Variants in CNTNAP2 observed in about 807,000 individuals in gnomAD.
CNTNAP2 encodes contactin-associated protein-like 2.
CNTNAP2 carries 98 observed loss-of-function variants against 155.2 expected under a neutral mutation model. The ratio of observed to expected loss-of-function variants is 0.63; its 90% confidence interval spans 0.54 to 0.75. The LOEUF is 0.75. CNTNAP2 is among the 30% of genes least tolerant of loss of function. The probability of loss-of-function intolerance (pLI) is 0.00; values close to 1 mark genes in which losing one functional copy is unlikely to be tolerated. For missense variants in CNTNAP2, 1,727 were observed against 1,688.1 expected (o/e 1.02, Z -0.40); for synonymous variants, 651 against 631.2 (o/e 1.03, Z -0.47).
intron 3 of CNTNAP2, among the ~76,000 whole-genome samples, chr7:147,030,570 T>C (rs942629889): frequency 6.6e-6 from 1 of 152,228 alleles, no homozygotes; most frequent in African/African-American, 2.4e-5. Context: ...AAGTTCTTTT[T>C]CCCCAATATC....
chr7:146,822,344 A>G (rs891205694), intron 2 of CNTNAP2, among the ~76,000 whole-genome samples: 1 of 152,080 alleles, frequency 6.6e-6, no homozygotes, highest in African/African-American at 2.4e-5. Context: ...GGGGGGAGTG[A>G]TAGCATTAGG....
chr7:146,776,540 G>A (rs1399639023), intron 2 of CNTNAP2, among the ~76,000 whole-genome samples: 1 of 152,154 alleles, frequency 6.6e-6, no homozygotes, highest in African/African-American at 2.4e-5. Context: ...TTGTAGGAGA[G>A]AGTATAAATG....
chr7:146,911,622 C>T (rs191378169), intron 3 of CNTNAP2, among the ~76,000 whole-genome samples: 1 of 128,476 alleles, frequency 7.8e-6, no homozygotes, highest in East Asian at 2.3e-4. Flanking sequence ...CACATGGACA[C>T]ATGAAGGGGA....
rs564111859 is a variant in CNTNAP2, at chr7:148,249,409, G to C, written c.3382-17624G>C. Among the ~76,000 whole-genome samples, 250 of 152,182 alleles carry C rather than the reference G, an allele frequency of 1.6e-3. 1 individual carries two copies. The highest frequency in any genetic ancestry group is 3.4e-3 in the Middle Eastern group (1 of 294). ...TTTCTCTCCTTCCTGACCTCCTTCA[G>C]TGGGCGTGCTTCCAGTGCTTTACCA... is the stretch of plus-strand genomic sequence containing the variant. On this transcript the variant is annotated intron_variant, in intron 20 of 23. Transcript: ENST00000361727.
chr7:147,439,708 G>A (rs376267124), intron 10 of CNTNAP2, among the ~76,000 whole-genome samples: 5 of 151,768 alleles, frequency 3.3e-5, no homozygotes, highest in Non-Finnish European at 2.9e-5. Context: ...ATTGTACTGG[G>A]GACTACCTCT....
chr7:147,546,040 C>G (rs1004076621), intron 11 of CNTNAP2, among the ~76,000 whole-genome samples: 1 of 152,174 alleles, frequency 6.6e-6, no homozygotes, highest in Non-Finnish European at 1.5e-5. Context: ...CCATGTGGAA[C>G]AGTGAGTCAA....
At chr7:147,076,292 G>A (rs896087658) in intron 4 of CNTNAP2, among the ~76,000 whole-genome samples, 16 of 152,164 alleles carry the variant, frequency 1.1e-4, no homozygotes, top group East Asian at 3.9e-4. Context: ...CTCCAGCACC[G>A]GTTGTTTCCT....
intron 1 of CNTNAP2, among the ~76,000 whole-genome samples, chr7:146,683,738 C>T (rs1170844571): frequency 1.3e-5 from 2 of 152,080 alleles, no homozygotes; most frequent in African/African-American, 4.8e-5. Flanking sequence ...AAATATCCTC[C>T]TATTAAGATA....
At chr7:146,351,563 T>C (rs1794915205) in intron 1 of CNTNAP2, among the ~76,000 whole-genome samples, 1 of 152,160 alleles carries the variant, frequency 6.6e-6, no homozygotes, top group Admixed American at 6.5e-5. Context: ...TCTTAGAAAG[T>C]TTACCTGTAT....
intron 8 of CNTNAP2, among the ~76,000 whole-genome samples, chr7:147,211,735 C>G (rs566293435): frequency 1.3e-5 from 2 of 151,896 alleles, no homozygotes; most frequent in African/African-American, 4.8e-5. Context: ...ATTCTGGACT[C>G]CAGCCTTGGG....
At chr7:147,063,417 G>A (rs73467086) in intron 4 of CNTNAP2, among the ~76,000 whole-genome samples, 9,135 of 152,066 alleles carry the variant, frequency 0.06, 709 homozygotes, top group African/African-American at 0.18. Flanking sequence ...TTTTACAACC[G>A]CAGGTATGGG....
intron 2 of CNTNAP2, among the ~76,000 whole-genome samples, chr7:146,776,522 A>C (rs1466106553): frequency 6.6e-6 from 1 of 152,192 alleles, no homozygotes; most frequent in African/African-American, 2.4e-5. Context: ...ACGATGTAGG[A>C]GCTATAGTTG....
chr7:147,289,727 G>T (rs1455992165), intron 8 of CNTNAP2, among the ~76,000 whole-genome samples: 1 of 152,108 alleles, frequency 6.6e-6, no homozygotes, highest in African/African-American at 2.4e-5. Flanking sequence ...TTTTTTTCAT[G>T]AACATTTAGT....
At chr7:147,466,234 G>A (rs1195065382) in intron 10 of CNTNAP2, among the ~76,000 whole-genome samples, 1 of 152,202 alleles carries the variant, frequency 6.6e-6, no homozygotes, top group South Asian at 2.1e-4. Context: ...CAAGGCCTAA[G>A]TTCTTCTTGG....
At chr7:147,725,966 A>G (rs927737616) in intron 13 of CNTNAP2, among the ~76,000 whole-genome samples, 8 of 151,974 alleles carry the variant, frequency 5.3e-5, no homozygotes, top group Non-Finnish European at 1.2e-4. Context: ...TATCCCTCAC[A>G]AGGGATGTTT....
rs142561163 is a variant in CNTNAP2 at position 148,315,559 on chromosome 7, A to T, written c.3475+48433A>T. On this transcript the variant is annotated intron_variant, in intron 21 of 23. Coordinates refer to ENST00000361727, the MANE Select transcript of CNTNAP2 (RefSeq NM_014141.6). ...GTTAAGGCAGGAACCGGCCATCTGG[A>T]TGTGTACATGCAGGTCACAGGAAAT... 7.2e-5 allele frequency among the ~76,000 whole-genome samples: 11 copies of T among 152,296 alleles called. No individual in the cohort carries two copies. The East Asian group carries it at 2.1e-3, about 29-fold the overall frequency.
Position 146,959,905 on chromosome 7 carries a change from G to A in CNTNAP2, c.403-84002G>A, listed in dbSNP as rs74551093. ...TCAGTAATTATTGGAGAGACCTAGG[G>A]ATTCCAACTTTAGACTAGGAGCATC... On this transcript the variant is annotated intron_variant, in intron 3 of 23. Coordinates refer to ENST00000361727, the MANE Select transcript of CNTNAP2 (RefSeq NM_014141.6). 5.0e-3 allele frequency among the ~76,000 whole-genome samples: 758 copies of A among 152,192 alleles called. 4 individuals are homozygous for A. Among genetic ancestry groups the A allele is most frequent in the Non-Finnish European group, 7.8e-3 (527 of 67,990 alleles).
In CNTNAP2 at chr7:147,154,109, C is replaced by CA. The variant is rs11341264; in HGVS notation, c.1348+21609dup. Among the ~76,000 whole-genome samples, 568 of 149,090 alleles carry CA rather than the reference C, an allele frequency of 3.8e-3. 5 individuals are homozygous for CA. The highest frequency in any genetic ancestry group is 0.013 in the African/African-American group (541 of 40,702). On this transcript the variant is annotated intron_variant, in intron 8 of 23. Transcript: ENST00000361727. ...TATTAAGATGCCCGCCCTCCCCCCA[C>CA]AAAAAAAAAGAAGAATAATTACCCA...
In CNTNAP2 at chr7:148,124,161, C is replaced by T. The variant is rs568640113; in HGVS notation, c.2554+5873C>T. Among the ~76,000 whole-genome samples, 18 of 152,256 alleles carry T rather than the reference C, an allele frequency of 1.2e-4. 1 individual carries two copies. The highest frequency in any genetic ancestry group is 3.4e-4 in the African/African-American group (14 of 41,536). On this transcript the variant is annotated intron_variant, in intron 16 of 23. Transcript: ENST00000361727. The stretch of plus-strand genomic sequence containing the variant: ...TGTGGGCATGAGGTAGACCCAGCAT[C>T]GCAGCACCTCACAGGGGTGAGAGGA...
Sources: allele counts gnomAD v4.1 joint callset (sites outside exome capture counted in the v4.1 genomes callset), GRCh38; gene constraint gnomAD v4.1.1; transcripts MANE v1.5; gene names NCBI Gene and HGNC (gene_info 2026-07-23, HGNC 2026-07-21).